The following DOK2 variants were observed in gnomAD, a reference collection of about 807,000 sequenced individuals.
DOK2 encodes the protein docking protein 2, 56kD.
In DOK2, 28 loss-of-function variants were observed where a neutral mutation model predicts 26.0. The ratio of observed to expected loss-of-function variants is 1.08; its 90% CI spans 0.80 to 1.48. The LOEUF is 1.48. DOK2 is among the 40% of genes most tolerant of loss of function. The pLI is 0.00. For synonymous variants in DOK2, 282 were observed against 236.9 expected, an observed-to-expected ratio of 1.19 and a Z score of -1.75; for missense variants, 682 against 558.2, an observed-to-expected ratio of 1.22 and a Z score of -2.23.
intron 1 of DOK2, 44 bp downstream of exon 1, chr8:21,913,495 C>G (rs1251180186): frequency 6.2e-7 from 1 of 1,610,120 alleles, no homozygotes; most frequent in African/African-American, 1.3e-5. Flanking sequence ...ATTCTAGCAG[C>G]CTCCCAGGCC....
chr8:21,909,252 G>A lies in DOK2; in HGVS notation c.*59C>T. On this transcript the variant is annotated 3_prime_UTR_variant, in exon 5 of 5. Transcript: ENST00000276420. ...CAGAGGAGGTTCTTCTGATGCAGTG[G>A]CCAGGAGGAGTCACCAGCAGAAGCC... 1 of 1,509,030 alleles carries A rather than the reference G, an allele frequency of 6.6e-7. No individual in the cohort carries two copies. The allele number at this position is 1,509,030 out of a possible 1,614,324, so 93.5% of individuals were successfully genotyped here.
In DOK2 at chr8:21,912,403, C is replaced by T. The variant is rs1188115517; in HGVS notation, c.171G>A (p.Arg57=). Reference sequence around the variant, plus strand: ...GGCAGTCACTGAGGCGGATGACCTTCCGGGCAGCCTCACACCGACGAGGCT... The same window carrying T: ...GGCAGTCACTGAGGCGGATGACCTTTCGGGCAGCCTCACACCGACGAGGCT... ...PEKPRRCEAA[R]KVIRLSDCLR... The change falls in exon 2 of 5, where the codon CGG becomes CGA. Residue 57 remains arginine (R), a synonymous_variant. Transcript: ENST00000276420. The T allele has an allele frequency of 2.5e-6, 4 of 1,593,950 alleles. No individual in the cohort carries two copies. In the South Asian group the frequency reaches 4.5e-5, roughly 18 times the overall value.
chr8:21,911,863 G>A (rs773950628), intron 3 of DOK2, 38 bp downstream of exon 3: 3 of 1,530,222 alleles, frequency 2.0e-6, no homozygotes, highest in Admixed American at 4.1e-5. Flanking sequence ...CCTGGGGAGA[G>A]CCCCCAGGGG....
In DOK2 at chr8:21,909,825, A is replaced by T. The variant is rs1465498802; in HGVS notation, c.725T>A (p.Ile242Asn). 1.2e-6 allele frequency: 2 copies of T among 1,613,930 alleles called. No homozygotes were observed. ...GGGTGCAGCATTCTTCTGGGCAGAG[A>T]TGGCCTCTTCCAGGGCCAAGAAGAT... is the stretch of plus-strand genomic sequence containing the variant. ...NEIFLALEEA[I>N]SAQKNAAPAT... Residue 242 changes from isoleucine to asparagine, a missense_variant, in exon 5 of 5, where the codon ATC becomes AAC. Coordinates refer to ENST00000276420, the MANE Select transcript of DOK2 (RefSeq NM_003974.4).
rs768196912 is a variant in DOK2, at chr8:21,910,792, G to A, written c.499C>T (p.Arg167Trp). 3.7e-5 allele frequency: 60 copies of A among 1,613,656 alleles called. No individual in the cohort carries two copies. In the East Asian group the frequency reaches 4.7e-4, roughly 13 times the overall value. The change falls in exon 4 of 5, where the codon CGG becomes TGG. Residue 167 changes from arginine (R) to tryptophan (W), a missense_variant. Coordinates refer to ENST00000276420, the MANE Select transcript of DOK2 (RefSeq NM_003974.4). ...PTEASERCHL[R>W]GSYTLRAGES... ...CCAGCCCGGAGGGTATAGGACCCCC[G>A]CAGGTGGCACCTCTCACTGGCTTCT...
In DOK2 at chr8:21,909,214, G is replaced by T; in HGVS notation, c.*97C>A. 3 of 1,421,582 alleles carry T rather than the reference G, an allele frequency of 2.1e-6. No individual in the cohort carries two copies. The highest frequency in any genetic ancestry group is 1.9e-6 in the Non-Finnish European group (2 of 1,056,846). 88.1% of individuals were successfully genotyped at this position (1,421,582 alleles called of 1,614,324 possible). A position where few individuals can be genotyped will look rare whatever the true frequency, so the allele number is the denominator to read the frequency against. ...CCAACGAAGACAGGCCAGGCCTCGG[G>T]CTCCAGAAGGGGCAGAGGAGGTTCT... On this transcript the variant is annotated 3_prime_UTR_variant, in exon 5 of 5. Coordinates refer to ENST00000276420, the MANE Select transcript of DOK2 (RefSeq NM_003974.4).
At position 21,909,627 on chromosome 8, in the gene DOK2, C is replaced by A. The variant is rs765503674; in HGVS notation, c.923G>T (p.Arg308Leu). The change falls in exon 5 of 5, where the codon CGT (arginine) becomes CTT (leucine). Residue 308 changes from arginine (R) to leucine (L), a missense_variant. By Grantham distance (102) the Arg-to-Leu change is moderately radical. Coordinates refer to ENST00000276420, the MANE Select transcript of DOK2 (RefSeq NM_003974.4). ...EYAVPFDAVA[R>L]SLGKNFRGIL... ...GCCCCTGAAGTTCTTCCCCAAGGAA[C>A]GGGCCACCGCATCGAAGGGCACGGC... is the stretch of plus-strand genomic sequence containing the variant. The A allele has an allele frequency of 1.1e-5, 17 of 1,613,450 alleles. No homozygotes were observed. The highest frequency in any genetic ancestry group is 1.7e-5 in the Admixed American group (1 of 60,016).
intron 3 of DOK2, among the ~76,000 whole-genome samples, chr8:21,911,523 G>T (rs1014895020): frequency 2.0e-5 from 3 of 152,192 alleles, no homozygotes; most frequent in Non-Finnish European, 4.4e-5. Flanking sequence ...CAGGAGAATC[G>T]CTTGAACCCG....
chr8:21,911,551 T>C (rs1317478966), intron 3 of DOK2, among the ~76,000 whole-genome samples: 5 of 152,134 alleles, frequency 3.3e-5, no homozygotes, highest in Admixed American at 1.3e-4. Context: ...GCGGTTGCAG[T>C]GAGCCGAGAT....
At chr8:21,911,866 C>G in intron 3 of DOK2, 35 bp downstream of exon 3, 1 of 1,545,520 alleles carries the variant, frequency 6.5e-7, no homozygotes, top group South Asian at 1.2e-5. Flanking sequence ...GGGGAGAGCC[C>G]CCAGGGGAGA....
Position 21,909,389 on chromosome 8 carries a change from G to A in DOK2, c.1161C>T (p.Ala387=), listed in dbSNP as rs17853066. The change falls in exon 5 of 5, where the codon GCC becomes GCT. Residue 387 remains alanine (A), a synonymous_variant. Coordinates refer to ENST00000276420, the MANE Select transcript of DOK2 (RefSeq NM_003974.4). ...DPAGLQHVQP[A]GQDFSASGWQ... The stretch of plus-strand genomic sequence containing the variant: ...AGCCAGAAGCAGAGAAATCCTGCCC[G>A]GCTGGCTGGACATGCTGGAGGCCAG... 189,712 of 1,598,606 alleles carry A rather than the reference G, an allele frequency of 0.12. 12,706 individuals carry two copies. The highest frequency in any genetic ancestry group is 0.32 in the East Asian group (14,498 of 44,716).
Position 21,910,796 on chromosome 8 carries a change from G to A in DOK2, c.495C>T (p.His165=). Residue 165 remains histidine (H), a synonymous_variant, in exon 4 of 5, where the codon CAC becomes CAT. Transcript: ENST00000276420. ...CCCGGAGGGTATAGGACCCCCGCAGGTGGCACCTCTCACTGGCTTCTGTAG... is the reference window on the plus strand; with the variant it reads ...CCCGGAGGGTATAGGACCCCCGCAGATGGCACCTCTCACTGGCTTCTGTAG... The part of the protein sequence containing the change: ...MRPTEASERC[H]LRGSYTLRAG... The A allele has an allele frequency of 6.2e-7, 1 of 1,613,864 alleles. No individual in the cohort carries two copies. The highest frequency in any genetic ancestry group is 8.5e-7 in the Non-Finnish European group (1 of 1,179,924).
chr8:21,913,468 C>A, intron 1 of DOK2, 71 bp downstream of exon 1: 1 of 1,583,034 alleles, frequency 6.3e-7, no homozygotes, highest in Non-Finnish European at 8.7e-7. Flanking sequence ...ATATGAAACT[C>A]CCTCTCCAAC....
chr8:21,912,075 G>T, intron 2 of DOK2, 87 bp from the exon 3 acceptor site: 1 of 1,490,148 alleles, frequency 6.7e-7, no homozygotes. Flanking sequence ...ACCTCAACCT[G>T]CTGGCTCTGT....
intron 4 of DOK2, 77 bp from the exon 5 acceptor site, chr8:21,910,008 A>T (rs1809776955): frequency 1.4e-6 from 2 of 1,442,818 alleles, no homozygotes; most frequent in African/African-American, 1.5e-5. Flanking sequence ...TTGGAGACAG[A>T]GTCTCACTGT....
chr8:21,911,808 C>G (rs1809855398), intron 3 of DOK2, 93 bp downstream of exon 3: 1 of 1,355,586 alleles, frequency 7.4e-7, no homozygotes, highest in Non-Finnish European at 9.9e-7. Flanking sequence ...GGCAGGAAGA[C>G]TCGGGGCCAG....
chr8:21,912,942 G>A (rs551835936), intron 1 of DOK2, among the ~76,000 whole-genome samples: 1 of 152,346 alleles, frequency 6.6e-6, no homozygotes, highest in South Asian at 2.1e-4. Flanking sequence ...AAATCCTGAA[G>A]GAGAACTTCT....
chr8:21,910,126 C>T (rs774944664), intron 4 of DOK2, among the ~76,000 whole-genome samples, 195 bp from the exon 5 acceptor site: 2 of 152,030 alleles, frequency 1.3e-5, no homozygotes, highest in Non-Finnish European at 1.5e-5. Flanking sequence ...GGACTACAGG[C>T]GCATGCCACC....
At chr8:21,912,533 G>A (rs1327807700) in intron 1 of DOK2, 23 bp from the exon 2 acceptor site, 59 of 1,472,708 alleles carry the variant, frequency 4.0e-5, no homozygotes, top group Non-Finnish European at 5.2e-5. Context: ...CGTGGGAGGC[G>A]GGGGCGGGAG....
Sources: allele counts gnomAD v4.1 joint callset (sites outside exome capture counted in the v4.1 genomes callset), GRCh38; gene constraint gnomAD v4.1.1; transcripts MANE v1.5; gene names NCBI Gene and HGNC (gene_info 2026-07-23, HGNC 2026-07-21).